CHCHD6: variants seen among roughly 807,000 people sequenced by gnomAD.
CHCHD6 encodes the protein coiled-coil-helix-coiled-coil-helix domain containing 6.
In CHCHD6, 28 loss-of-function variants were observed where a neutral mutation model predicts 32.3. The ratio of observed to expected loss-of-function variants is 0.87; its 90% CI spans 0.64 to 1.19. The LOEUF (loss-of-function observed/expected upper bound fraction) is 1.19. CHCHD6 is among the 50% of genes most tolerant of loss of function. CHCHD6 has a pLI of 0.00. For missense variants in CHCHD6, 333 were observed against 307.0 expected (o/e 1.08, Z -0.63); for synonymous variants, 122 against 117.5 (o/e 1.04, Z -0.25).
At chr3:126,950,639 T>A (rs1194963830) in intron 6 of CHCHD6, among the ~76,000 whole-genome samples, 1 of 152,166 alleles carries the variant, frequency 6.6e-6, no homozygotes, top group Non-Finnish European at 1.5e-5. Flanking sequence ...TTAGTAGAGA[T>A]GAGGTTTCAC....
intron 4 of CHCHD6, among the ~76,000 whole-genome samples, chr3:126,849,983 CA>C (rs914875624): frequency 3.9e-5 from 6 of 152,184 alleles, no homozygotes; most frequent in Admixed American, 2.0e-4. Context: ...GGGTGCTGCC[CA>C]GTGTGCTCTT....
chr3:126,945,071 C>T (rs745678393), intron 6 of CHCHD6, among the ~76,000 whole-genome samples: 16 of 152,114 alleles, frequency 1.1e-4, no homozygotes, highest in African/African-American at 2.7e-4. Context: ...TAGGTCTTTA[C>T]GGGGGCGTTT....
At chr3:126,745,164 C>G (rs898007932) in intron 4 of CHCHD6, among the ~76,000 whole-genome samples, 4 of 152,156 alleles carry the variant, frequency 2.6e-5, no homozygotes, top group African/African-American at 9.7e-5. Flanking sequence ...TACCTGGACA[C>G]GTGACTGCCC....
chr3:126,841,147 T>C lies in CHCHD6; in HGVS notation c.412-11500T>C, dbSNP rs564452192. Among the ~76,000 whole-genome samples the C allele has an allele frequency of 3.3e-5, 5 of 152,192 alleles. No homozygotes were observed. The East Asian group carries it at 9.7e-4, about 29-fold the overall frequency. ...CCTATGAGTGAGAATATGCGGTGTT[T>C]GGTTTTTTGTTCTTGCAATAGCTCA... On this transcript the variant is annotated intron_variant, in intron 4 of 7. Coordinates refer to ENST00000290913, the MANE Select transcript of CHCHD6 (RefSeq NM_032343.3).
intron 4 of CHCHD6, among the ~76,000 whole-genome samples, chr3:126,811,097 A>G (rs866047196): frequency 2.6e-5 from 4 of 152,244 alleles, no homozygotes; most frequent in African/African-American, 9.6e-5. Flanking sequence ...ATATTGGGGA[A>G]AAGTGCAATT....
chr3:126,758,372 A>C (rs943475592), intron 4 of CHCHD6, among the ~76,000 whole-genome samples: 1 of 152,198 alleles, frequency 6.6e-6, no homozygotes, highest in Non-Finnish European at 1.5e-5. Flanking sequence ...ATTACAAATC[A>C]CAGTGGTGTT....
chr3:126,925,302 A>C (rs2078306924), intron 6 of CHCHD6, among the ~76,000 whole-genome samples: 1 of 152,182 alleles, frequency 6.6e-6, no homozygotes, highest in Non-Finnish European at 1.5e-5. Context: ...TTGGGCCCCC[A>C]GGAAAGGAGA....
rs10544737 is a variant in CHCHD6 at position 126,922,622 on chromosome 3, C to CGTGT, written c.566+7901_566+7904dup. Among the ~76,000 whole-genome samples the CGTGT allele has an allele frequency of 6.5e-3, 957 of 147,832 alleles. 6 individuals carry two copies. The highest frequency in any genetic ancestry group is 0.017 in the African/African-American group (679 of 40,440). On this transcript the variant is annotated intron_variant, in intron 6 of 7. Transcript: ENST00000290913. The stretch of plus-strand genomic sequence containing the variant: ...CCCTTCCCTGAATTTCAGCCCACCA[C>CGTGT]GTGTGTGTGTGTGTGTGTGTGTGTG...
intron 4 of CHCHD6, among the ~76,000 whole-genome samples, chr3:126,775,491 A>G (rs1937621188): frequency 6.6e-6 from 1 of 152,222 alleles, no homozygotes; most frequent in African/African-American, 2.4e-5. Flanking sequence ...AACTACAGCA[A>G]TTATTGGAGC....
At position 126,704,271 on chromosome 3, in the gene CHCHD6, G is replaced by A. The variant is rs1482561218; in HGVS notation, c.-42G>A. ...TTGTTGGCCCGGTTGCTCTGGAGCC[G>A]GGTCTCGGGTCTGGTGGCTGCCGGC... On this transcript the variant is annotated 5_prime_UTR_variant, in exon 1 of 8. Transcript: ENST00000290913. 5 of 1,531,116 alleles carry A rather than the reference G, an allele frequency of 3.3e-6. No individual in the cohort carries two copies. The highest frequency in any genetic ancestry group is 4.5e-6 in the Non-Finnish European group (5 of 1,115,984). The allele number at this position is 1,531,116 out of a possible 1,614,324, so 94.8% of individuals were successfully genotyped here.
chr3:126,874,292 A>G (rs2077513685), intron 5 of CHCHD6, among the ~76,000 whole-genome samples: 1 of 152,246 alleles, frequency 6.6e-6, no homozygotes, highest in Admixed American at 6.5e-5. Context: ...TTCATGGTAA[A>G]GTAGAACCTG....
chr3:126,744,747 G>A (rs1314420035), intron 4 of CHCHD6, among the ~76,000 whole-genome samples: 2 of 152,022 alleles, frequency 1.3e-5, no homozygotes, highest in Non-Finnish European at 2.9e-5. Flanking sequence ...GAGTGCAGTG[G>A]TGCGATCTCA....
chr3:126,725,181 A>C (rs1935476705), intron 1 of CHCHD6, among the ~76,000 whole-genome samples: 1 of 152,226 alleles, frequency 6.6e-6, no homozygotes, highest in South Asian at 2.1e-4. Flanking sequence ...CTAAGCTTAT[A>C]AATGAATTTC....
intron 1 of CHCHD6, among the ~76,000 whole-genome samples, chr3:126,719,981 A>G (rs1451623355): frequency 6.6e-6 from 1 of 152,028 alleles, no homozygotes; most frequent in East Asian, 1.9e-4. Context: ...CCTGGGGTCA[A>G]ATGATTCTCC....
At chr3:126,785,887 T>C (rs1938179609) in intron 4 of CHCHD6, among the ~76,000 whole-genome samples, 1 of 152,236 alleles carries the variant, frequency 6.6e-6, no homozygotes, top group Non-Finnish European at 1.5e-5. Context: ...TGCAGGTTTG[T>C]TACATATGTA....
At chr3:126,827,810 G>A (rs1259663704) in intron 4 of CHCHD6, among the ~76,000 whole-genome samples, 3 of 152,162 alleles carry the variant, frequency 2.0e-5, no homozygotes, top group Admixed American at 1.3e-4. Flanking sequence ...GTGGGGCAGG[G>A]GTGGAGTGGA....
At chr3:126,784,280 C>T (rs1442284890) in intron 4 of CHCHD6, among the ~76,000 whole-genome samples, 2 of 152,292 alleles carry the variant, frequency 1.3e-5, no homozygotes, top group African/African-American at 4.8e-5. Context: ...CACTGTTTTG[C>T]TCTTCGTGCT....
At chr3:126,834,053 C>CAAAAAAAAAAAAAAAAAAAAAA (rs55790919) in intron 4 of CHCHD6, among the ~76,000 whole-genome samples, 2 of 44,460 alleles carry the variant, frequency 4.5e-5, no homozygotes, top group Non-Finnish European at 9.5e-5. Flanking sequence ...GACTCCGTCT[C>CAAAAAAAAAAAAAAAAAAAAAA]AAAAAAAAAA....
chr3:126,875,455 C>G (rs1221591808), intron 5 of CHCHD6, among the ~76,000 whole-genome samples: 1 of 152,232 alleles, frequency 6.6e-6, no homozygotes, highest in African/African-American at 2.4e-5. Context: ...TGGCGCACTG[C>G]TCTCGTGCTA....
Sources: allele counts gnomAD v4.1 joint callset (sites outside exome capture counted in the v4.1 genomes callset), GRCh38; gene constraint gnomAD v4.1.1; transcripts MANE v1.5; gene names NCBI Gene and HGNC (gene_info 2026-07-23, HGNC 2026-07-21).